SRR: variants seen among roughly 807,000 people sequenced by gnomAD.
The protein encoded by SRR is serine racemase.
Under a neutral mutation model 32.7 loss-of-function variants are expected in SRR, and 19 were observed. The ratio of observed to expected loss-of-function variants is 0.58; its 90% confidence interval spans 0.40 to 0.85. SRR has a LOEUF of 0.85. SRR is among the 40% of genes least tolerant of loss of function. SRR has a pLI of 0.00. For missense variants in SRR, 373 were observed against 404.7 expected (o/e 0.92, Z 0.67); for synonymous variants, 142 against 140.9 (o/e 1.01, Z -0.06).
In SRR at chr17:2,320,097, C is replaced by T. The variant is rs548483069; in HGVS notation, c.399+1168C>T. Reference sequence around the variant, plus strand: ...CCTCCCAAAGTGCTGGGATTACAGGCGTGAGCCACCACGCCTGGCCAGAAC... The same window carrying T: ...CCTCCCAAAGTGCTGGGATTACAGGTGTGAGCCACCACGCCTGGCCAGAAC... On this transcript the variant is annotated intron_variant, in intron 4 of 7. Coordinates refer to ENST00000344595, the MANE Select transcript of SRR (RefSeq NM_021947.3). Among the ~76,000 whole-genome samples the T allele has an allele frequency of 6.6e-5, 10 of 150,730 alleles. No individual in the cohort carries two copies. The South Asian group carries it at 1.1e-3, about 16-fold the overall frequency.
At chr17:2,315,406 C>G in intron 1 of SRR, 151 bp from the exon 2 acceptor site, 2 of 739,010 alleles carry the variant, frequency 2.7e-6, no homozygotes, top group Non-Finnish European at 4.1e-6. Context: ...AGTCAACTCT[C>G]TTTTAGGGAA....
chr17:2,308,125 G>A (rs1321435244), intron 1 of SRR, among the ~76,000 whole-genome samples: 3 of 150,456 alleles, frequency 2.0e-5, no homozygotes, highest in African/African-American at 4.9e-5. Flanking sequence ...CTAAAATCTT[G>A]GATTATTTAG....
Position 2,323,896 on chromosome 17 carries a change from G to C in SRR, c.*23G>C. The C allele has an allele frequency of 2.5e-6, 4 of 1,601,602 alleles. No homozygotes were observed. The highest frequency in any genetic ancestry group is 1.7e-6 in the Non-Finnish European group (2 of 1,169,614). ...TAATTTACAGAAAAGGAAATGGTGG[G>C]AATTCAGTGTCTTTAGATACTGAAG... On this transcript the variant is annotated 3_prime_UTR_variant, in exon 8 of 8. Transcript: ENST00000344595.
rs1417106416 is a variant in SRR at position 2,321,573 on chromosome 17, T to C, written c.551T>C (p.Val184Ala). The change falls in exon 6 of 8, where the codon GTA (valine) becomes GCA (alanine). Residue 184 changes from valine to alanine, a missense_variant. Physicochemically the swap from Val to Ala is moderately conservative, Grantham distance 64. Coordinates refer to ENST00000344595, the MANE Select transcript of SRR (RefSeq NM_021947.3). Reference sequence around the variant, plus strand: ...TTGGTGGATGCACTGGTGGTACCTGTAGGTGGAGGAGGAATGCTTGCTGGA... The same window carrying C: ...TTGGTGGATGCACTGGTGGTACCTGCAGGTGGAGGAGGAATGCTTGCTGGA... ...VPLVDALVVP[V>A]GGGGMLAGIA... is the part of the protein sequence containing the mutation. 1.2e-6 allele frequency: 2 copies of C among 1,614,128 alleles called. No individual in the cohort carries two copies. Among genetic ancestry groups the C allele is most frequent in the Admixed American group, 1.7e-5 (1 of 60,012 alleles).
At chr17:2,312,392 G>A (rs2075439609) in intron 1 of SRR, among the ~76,000 whole-genome samples, 3 of 151,944 alleles carry the variant, frequency 2.0e-5, no homozygotes, top group Admixed American at 2.0e-4. Context: ...TCAGGAGATC[G>A]AGACCATCCT....
chr17:2,304,377 T>A (rs2075362514), intron 1 of SRR, among the ~76,000 whole-genome samples: 1 of 148,696 alleles, frequency 6.7e-6, no homozygotes, highest in Non-Finnish European at 1.5e-5. Flanking sequence ...TCAGCCTCCC[T>A]AGTAGCTGGG....
chr17:2,320,329 C>G (rs2075516431), intron 4 of SRR, among the ~76,000 whole-genome samples: 1 of 139,870 alleles, frequency 7.1e-6, no homozygotes, highest in Non-Finnish European at 1.5e-5. Flanking sequence ...AATCTCGGCT[C>G]ACTGCAACCT....
rs748159034 is a variant in SRR, at chr17:2,317,833, T to C, written c.169-37T>C. On this transcript the variant is annotated intron_variant, in intron 2 of 7. Transcript: ENST00000344595. ...CTCCTTGCTTTCCAAAACAATGTTT[T>C]AATCAAATATGTGAATTCACCATCC... 3 of 1,596,486 alleles carry C rather than the reference T, an allele frequency of 1.9e-6. No homozygotes were observed. In the Admixed American group the frequency reaches 5.2e-5, roughly 28 times the overall value.
chr17:2,307,818 G>A (rs921548137), intron 1 of SRR: 4 of 687,828 alleles, frequency 5.8e-6, no homozygotes, highest in African/African-American at 3.5e-5. Context: ...AGTGGTGGCA[G>A]GGCCTAGCTG....
upstream of SRR, chr17:2,303,819 G>C (rs1344481796): frequency 1.8e-5 from 17 of 956,040 alleles, no homozygotes; most frequent in Non-Finnish European, 2.2e-5. Context: ...CCACCTCCCG[G>C]CCTTTCCCCG....
chr17:2,318,040 T>A (rs202041222), intron 3 of SRR, 44 bp downstream of exon 3: 2 of 1,523,908 alleles, frequency 1.3e-6, no homozygotes, highest in African/African-American at 1.4e-5. Context: ...CAGAAAGGAG[T>A]GGAAAAGTGC....
chr17:2,318,131 C>A, intron 3 of SRR, 135 bp downstream of exon 3: 1 of 1,058,734 alleles, frequency 9.4e-7, no homozygotes, highest in Non-Finnish European at 1.3e-6. Context: ...GCAATATGAA[C>A]ATAAGTTTTT....
chr17:2,303,786 A>G (rs2075347343), upstream of SRR: 1 of 1,330,812 alleles, frequency 7.5e-7, no homozygotes, highest in African/African-American at 1.5e-5. Flanking sequence ...AAACCACCAC[A>G]GACGGGCGGC....
In SRR at chr17:2,325,219, G is replaced by T; in HGVS notation, c.*1346G>T. ...ATCATTACCTTCTCCATACCATTTG[G>T]CTCCCAAATTTAAATAAACAAGAGA... On this transcript the variant is annotated 3_prime_UTR_variant, in exon 8 of 8. Transcript: ENST00000344595. The T allele has an allele frequency of 1.0e-6, 1 of 973,410 alleles. No homozygotes were observed. The highest frequency in any genetic ancestry group is 1.5e-6 in the Non-Finnish European group (1 of 649,266). The allele number at this position is 973,410 out of a possible 1,614,324, so 60.3% of individuals were successfully genotyped here. A position where few individuals can be genotyped will look rare whatever the true frequency, so the allele number is the denominator to read the frequency against.
At chr17:2,314,775 T>C (rs1257408496) in intron 1 of SRR, among the ~76,000 whole-genome samples, 1 of 149,670 alleles carries the variant, frequency 6.7e-6, no homozygotes, top group Non-Finnish European at 1.5e-5. Context: ...AAAAAGAAAA[T>C]GCAGAGGGAA....
chr17:2,308,206 A>G (rs1401239539), intron 1 of SRR, among the ~76,000 whole-genome samples: 1 of 152,192 alleles, frequency 6.6e-6, no homozygotes, highest in Non-Finnish European at 1.5e-5. Context: ...GAAAAATCCT[A>G]TAAGTAACCT....
chr17:2,323,069 T>G, intron 6 of SRR, 67 bp from the exon 7 acceptor site: 4 of 1,532,686 alleles, frequency 2.6e-6, no homozygotes, highest in Non-Finnish European at 3.6e-6. Flanking sequence ...CAGGCCCATA[T>G]TTTCTTTTAG....
Position 2,324,725 on chromosome 17 carries a change from T to C in SRR, c.*852T>C. 4 of 1,614,186 alleles carry C rather than the reference T, an allele frequency of 2.5e-6. No individual in the cohort carries two copies. The highest frequency in any genetic ancestry group is 3.4e-6 in the Non-Finnish European group (4 of 1,180,038). On this transcript the variant is annotated 3_prime_UTR_variant, in exon 8 of 8. Transcript: ENST00000344595. ...AACATGTAACGTACTACTGCCATCT[T>C]AGTAAAAATTTTGAAAGGATGACCA...
intron 1 of SRR, chr17:2,307,690 G>C: frequency 9.9e-7 from 1 of 1,012,958 alleles, no homozygotes; most frequent in Admixed American, 1.7e-5. Context: ...AGTAGCAGCA[G>C]TAGCTATGGC....
Sources: allele counts gnomAD v4.1 joint callset (sites outside exome capture counted in the v4.1 genomes callset), GRCh38; gene constraint gnomAD v4.1.1; transcripts MANE v1.5; gene names NCBI Gene and HGNC (gene_info 2026-07-23, HGNC 2026-07-21).